The following CTNNA3 variants were observed in gnomAD, a reference collection of about 807,000 sequenced individuals.
CTNNA3 encodes catenin alpha 3.
In CTNNA3, 76 loss-of-function variants were observed where a neutral mutation model predicts 95.7. The observed-to-expected ratio is 0.79, with a 90% CI of 0.66 to 0.96. The LOEUF is 0.96. Among genes scored for constraint, CTNNA3 ranks in the 40% least tolerant of loss-of-function variants. The pLI, the probability that CTNNA3 is intolerant of heterozygous loss-of-function variation, is 0.00. For missense variants in CTNNA3, 1,191 were observed against 1,089.8 expected (o/e 1.09, Z -1.31); for synonymous variants, 431 against 374.4 (o/e 1.15, Z -1.74).
intron 15 of CTNNA3, among the ~76,000 whole-genome samples, chr10:65,997,388 G>T (rs1004190346): frequency 6.6e-6 from 1 of 152,176 alleles, no homozygotes; most frequent in Non-Finnish European, 1.5e-5. Context: ...ATCTGGTGCT[G>T]CACACTGGTC....
At chr10:67,074,374 G>T (rs1856632983) in intron 7 of CTNNA3, among the ~76,000 whole-genome samples, 1 of 100,788 alleles carries the variant, frequency 9.9e-6, no homozygotes, top group Non-Finnish European at 1.9e-5. Context: ...TTTTTGAGAC[G>T]GAGTCTCGCT....
At chr10:66,743,672 G>T (rs974795085) in intron 9 of CTNNA3, among the ~76,000 whole-genome samples, 7 of 152,078 alleles carry the variant, frequency 4.6e-5, no homozygotes, top group Non-Finnish European at 1.0e-4. Flanking sequence ...GTAGAAATGA[G>T]ATCCATAGAA....
At chr10:66,560,186 G>C (rs1842509620) in intron 10 of CTNNA3, among the ~76,000 whole-genome samples, 1 of 152,012 alleles carries the variant, frequency 6.6e-6, no homozygotes. Context: ...AACTCCTTGT[G>C]TTCCATCTTC....
At position 66,070,689 on chromosome 10, in the gene CTNNA3, C is replaced by T. The variant is rs141362587; in HGVS notation, c.1978-1200G>A. ...GGAATGCCACTGATTTCCAATATGA[C>T]CTTGAGGAAGTTACCTAACCCTCCT... On this transcript the variant is annotated intron_variant, in intron 14 of 17. Coordinates refer to ENST00000433211, the MANE Select transcript of CTNNA3 (RefSeq NM_013266.4). 2.6e-3 allele frequency among the ~76,000 whole-genome samples: 392 copies of T among 152,222 alleles called. 6 individuals are homozygous for T. Among genetic ancestry groups the T allele is most frequent in the African/African-American group, 9.1e-3 (379 of 41,544 alleles).
chr10:67,509,036 C>T (rs1839519398), intron 5 of CTNNA3, among the ~76,000 whole-genome samples: 1 of 151,966 alleles, frequency 6.6e-6, no homozygotes, highest in African/African-American at 2.4e-5. Context: ...GCCACCACGC[C>T]TGCTAATTTT....
chr10:66,238,719 C>G (rs1020401505), intron 13 of CTNNA3, among the ~76,000 whole-genome samples: 3 of 151,650 alleles, frequency 2.0e-5, no homozygotes, highest in African/African-American at 7.3e-5. Context: ...AATATCTTCA[C>G]AGAAAACACT....
intron 10 of CTNNA3, among the ~76,000 whole-genome samples, chr10:66,552,116 G>A (rs1414442176): frequency 6.6e-6 from 1 of 151,902 alleles, no homozygotes; most frequent in East Asian, 1.9e-4. Context: ...TGTTAGCCAC[G>A]ACGGTCTCCA....
chr10:66,983,938 T>G (rs1850586827), intron 7 of CTNNA3, among the ~76,000 whole-genome samples: 1 of 152,220 alleles, frequency 6.6e-6, no homozygotes, highest in Non-Finnish European at 1.5e-5. Context: ...ATTTAATTCT[T>G]AGAACAACGG....
intron 5 of CTNNA3, among the ~76,000 whole-genome samples, chr10:67,380,230 G>A (rs1002007952): frequency 2.0e-5 from 3 of 152,062 alleles, no homozygotes; most frequent in East Asian, 3.9e-4. Context: ...ATCAGATAAA[G>A]TTCTAAAGTC....
In CTNNA3 at chr10:67,628,516, T is replaced by G. The variant is rs7094410; in HGVS notation, c.99+18899A>C. Among the ~76,000 whole-genome samples, 1,160 of 152,262 alleles carry G rather than the reference T, an allele frequency of 7.6e-3. 14 individuals are homozygous for G. Among genetic ancestry groups the G allele is most frequent in the African/African-American group, 0.027 (1,122 of 41,566 alleles). On this transcript the variant is annotated intron_variant, in intron 2 of 17. Transcript: ENST00000433211. ...AAAGTAAGTCTTTTTGACTTCAAAC[T>G]AACTTTGGGATTTTCCCAAAGACCC...
intron 2 of CTNNA3, among the ~76,000 whole-genome samples, chr10:67,634,741 AT>A (rs1839251244): frequency 6.6e-6 from 1 of 152,240 alleles, no homozygotes; most frequent in Non-Finnish European, 1.5e-5. Context: ...AGGGCATTAC[AT>A]AATGATAAAG....
chr10:66,800,225 T>C (rs2132231163), intron 7 of CTNNA3, among the ~76,000 whole-genome samples: 1 of 151,498 alleles, frequency 6.6e-6, no homozygotes, highest in South Asian at 2.1e-4. Flanking sequence ...GCTTATATTT[T>C]CCTCTTTGTT....
intron 9 of CTNNA3, among the ~76,000 whole-genome samples, chr10:66,764,306 A>G (rs564929955): frequency 1.3e-5 from 2 of 152,202 alleles, no homozygotes; most frequent in African/African-American, 4.8e-5. Context: ...CTGTGTCTAC[A>G]TAACAGTAAA....
chr10:66,436,890 C>CA (rs1485009584), intron 11 of CTNNA3, among the ~76,000 whole-genome samples: 1 of 152,088 alleles, frequency 6.6e-6, no homozygotes, highest in Non-Finnish European at 1.5e-5. Flanking sequence ...CTGGTGGTGA[C>CA]AAAATCTCTC....
chr10:66,432,393 T>A (rs1285251004), intron 11 of CTNNA3, among the ~76,000 whole-genome samples: 1 of 152,180 alleles, frequency 6.6e-6, no homozygotes, highest in East Asian at 1.9e-4. Context: ...GTGCGGTGGC[T>A]CACGCCTGTA....
intron 7 of CTNNA3, among the ~76,000 whole-genome samples, chr10:67,147,641 C>T (rs1427503581): frequency 6.6e-6 from 1 of 152,136 alleles, no homozygotes; most frequent in Non-Finnish European, 1.5e-5. Flanking sequence ...GTCTTCAGTA[C>T]ACGTGTAAAC....
At chr10:66,588,158 T>A (rs753384863) in intron 10 of CTNNA3, among the ~76,000 whole-genome samples, 4 of 151,982 alleles carry the variant, frequency 2.6e-5, no homozygotes, top group Non-Finnish European at 5.9e-5. Context: ...CTAAATCAGC[T>A]CCAGCACTGG....
chr10:66,346,246 T>TATAG (rs1416945569), intron 12 of CTNNA3, among the ~76,000 whole-genome samples: 35 of 27,762 alleles, frequency 1.3e-3, no homozygotes, highest in African/African-American at 2.0e-3. Context: ...TATATATATA[T>TATAG]AGAGAGAGAG....
intron 7 of CTNNA3, among the ~76,000 whole-genome samples, chr10:67,179,800 C>T (rs1862423498): frequency 6.6e-6 from 1 of 152,094 alleles, no homozygotes; most frequent in African/African-American, 2.4e-5. Flanking sequence ...GCACTTGAGC[C>T]TGGGCAACAG....
Sources: allele counts gnomAD v4.1 joint callset (sites outside exome capture counted in the v4.1 genomes callset), GRCh38; gene constraint gnomAD v4.1.1; transcripts MANE v1.5; gene names NCBI Gene and HGNC (gene_info 2026-07-23, HGNC 2026-07-21).